Variants in GRM8 observed in about 807,000 individuals in gnomAD.
GRM8 encodes the protein glutamate metabotropic receptor 8.
GRM8 carries 47 observed loss-of-function variants against 87.2 expected under a neutral mutation model. That is an observed-to-expected ratio of 0.54 (90% CI 0.43 to 0.69). GRM8 has a LOEUF of 0.69. Ranked by LOEUF, GRM8 falls within the 30% of genes least tolerant of loss-of-function variation. GRM8 has a pLI of 0.00. For missense variants in GRM8, 1,019 were observed against 1,139.2 expected, an observed-to-expected ratio of 0.89 and a Z score of 1.52; for synonymous variants, 396 against 404.5, an observed-to-expected ratio of 0.98 and a Z score of 0.25.
At chr7:126,852,063 G>C (rs905491465) in intron 6 of GRM8, among the ~76,000 whole-genome samples, 9 of 152,094 alleles carry the variant, frequency 5.9e-5, no homozygotes, top group Non-Finnish European at 8.8e-5. Flanking sequence ...TGGCTGGAGG[G>C]GTTGGTGTTA....
chr7:127,241,635 C>A (rs1290475513), intron 2 of GRM8, among the ~76,000 whole-genome samples: 1 of 152,024 alleles, frequency 6.6e-6, no homozygotes, highest in Non-Finnish European at 1.5e-5. Context: ...CGGGGTTTCA[C>A]CGTGTTAGCC....
At chr7:126,955,015 C>G (rs1230361978) in intron 3 of GRM8, among the ~76,000 whole-genome samples, 1 of 152,090 alleles carries the variant, frequency 6.6e-6, no homozygotes, top group Non-Finnish European at 1.5e-5. Flanking sequence ...ATGAGGAGAG[C>G]TTGCAGAATT....
At position 126,438,765 on chromosome 7, in the gene GRM8, A is replaced by T. The variant is rs753712769; in HGVS notation, c.*354T>A. ...ACAAGTTAAACAATGTGGGACAGGA[A>T]CGGGAGTTCTCACAATCACAGAAAA... On this transcript the variant is annotated 3_prime_UTR_variant, in exon 11 of 11. Coordinates refer to ENST00000339582, the MANE Select transcript of GRM8 (RefSeq NM_000845.3). 1.8e-5 allele frequency: 4 copies of T among 219,874 alleles called. No homozygotes were observed. Among genetic ancestry groups the T allele is most frequent in the Admixed American group, 1.6e-4 (3 of 18,416 alleles). 13.6% of individuals were successfully genotyped at this position (219,874 alleles called of 1,614,324 possible). A position where few individuals can be genotyped will look rare whatever the true frequency, so the allele number is the denominator to read the frequency against.
rs143624465 is a variant in GRM8 at position 127,172,855 on chromosome 7, G to A, written c.511-66143C>T. 4.3e-3 allele frequency among the ~76,000 whole-genome samples: 650 copies of A among 152,266 alleles called. 11 individuals carry two copies. The highest frequency in any genetic ancestry group is 0.015 in the African/African-American group (619 of 41,562). ...CGTTATGTGCTCTGAGTGCAAACAT[G>A]CTTTGTACCAACATGCTTTCTGGAG... On this transcript the variant is annotated intron_variant, in intron 2 of 10. Coordinates refer to ENST00000339582, the MANE Select transcript of GRM8 (RefSeq NM_000845.3).
intron 7 of GRM8, among the ~76,000 whole-genome samples, chr7:126,740,464 A>G (rs921713841): frequency 1.3e-5 from 2 of 152,134 alleles, no homozygotes; most frequent in Non-Finnish European, 2.9e-5. Context: ...AGTCTTGACT[A>G]AAATGGTACT....
chr7:126,648,182 G>A (rs1377358891), intron 7 of GRM8, among the ~76,000 whole-genome samples: 4 of 152,038 alleles, frequency 2.6e-5, no homozygotes, highest in African/African-American at 9.7e-5. Flanking sequence ...ACTTCAGAGA[G>A]ACCTTTTTAT....
At chr7:127,031,738 A>G (rs1450187479) in intron 3 of GRM8, among the ~76,000 whole-genome samples, 1 of 152,158 alleles carries the variant, frequency 6.6e-6, no homozygotes, top group Non-Finnish European at 1.5e-5. Flanking sequence ...CTATCCTAAC[A>G]TCAATACTGT....
intron 1 of GRM8, among the ~76,000 whole-genome samples, chr7:127,246,820 C>G (rs953842234): frequency 6.6e-6 from 1 of 152,212 alleles, no homozygotes; most frequent in Non-Finnish European, 1.5e-5. Context: ...GTATCTAACA[C>G]AGTATCTCCA....
chr7:126,473,112 G>A (rs1805489045), intron 9 of GRM8, among the ~76,000 whole-genome samples: 1 of 152,168 alleles, frequency 6.6e-6, no homozygotes, highest in East Asian at 1.9e-4. Flanking sequence ...GTCCCCACTG[G>A]GGCACTGCCT....
chr7:126,902,487 A>G, intron 6 of GRM8, 55 bp downstream of exon 6: 1 of 1,391,078 alleles, frequency 7.2e-7, no homozygotes, highest in Non-Finnish European at 9.7e-7. Flanking sequence ...TTATCAAGTA[A>G]TGAAAACAAA....
intron 3 of GRM8, among the ~76,000 whole-genome samples, chr7:127,005,660 T>A (rs1427580190): frequency 6.6e-6 from 1 of 151,808 alleles, no homozygotes; most frequent in Non-Finnish European, 1.5e-5. Flanking sequence ...TAGTTCACTG[T>A]ATACCTCTCC....
chr7:126,726,713 T>C (rs1813023293), intron 7 of GRM8, among the ~76,000 whole-genome samples: 2 of 152,146 alleles, frequency 1.3e-5, no homozygotes, highest in Non-Finnish European at 2.9e-5. Context: ...CAGAAAAATC[T>C]TCAGATTTTT....
intron 6 of GRM8, among the ~76,000 whole-genome samples, chr7:126,874,148 T>G (rs976984926): frequency 6.6e-6 from 1 of 152,086 alleles, no homozygotes; most frequent in Non-Finnish European, 1.5e-5. Context: ...CCTGATGGAA[T>G]TCTTCACCTG....
intron 9 of GRM8, among the ~76,000 whole-genome samples, chr7:126,462,693 C>T (rs1804019679): frequency 6.6e-6 from 1 of 151,618 alleles, no homozygotes; most frequent in Non-Finnish European, 1.5e-5. Flanking sequence ...CAAATATGTA[C>T]AAACTACTGA....
rs200014366 is a variant in GRM8 at position 126,446,104 on chromosome 7, G to A, written c.2677+22C>T. Reference sequence around the variant, plus strand: ...GGAAGTGCTCCCGCTCTTGACCATCGGAAACTCTACAGATGACTTACTGTT... The same window carrying A: ...GGAAGTGCTCCCGCTCTTGACCATCAGAAACTCTACAGATGACTTACTGTT... On this transcript the variant is annotated intron_variant, in intron 10 of 10. Transcript: ENST00000339582. 1.1e-4 allele frequency: 184 copies of A among 1,612,156 alleles called. 1 individual carries two copies. In the East Asian group the frequency reaches 1.4e-3, roughly 13 times the overall value.
chr7:127,000,207 T>C (rs1012636126), intron 3 of GRM8, among the ~76,000 whole-genome samples: 3 of 151,524 alleles, frequency 2.0e-5, no homozygotes, highest in Non-Finnish European at 4.4e-5. Context: ...ATTGAACTCA[T>C]GGAGAGAGCA....
rs549729638 is a variant in GRM8, at chr7:127,007,702, G to A, written c.727+98794C>T. 4.7e-4 allele frequency among the ~76,000 whole-genome samples: 71 copies of A among 152,174 alleles called. 1 individual carries two copies. The South Asian group carries it at 0.011, about 24-fold the overall frequency. ...CACCTGGCTTTTATAAAGATGCCAA[G>A]TGAAACTCTATATTAAAATATGTTA... On this transcript the variant is annotated intron_variant, in intron 3 of 10. Coordinates refer to ENST00000339582, the MANE Select transcript of GRM8 (RefSeq NM_000845.3).
At chr7:126,814,863 T>A (rs1055685682) in intron 6 of GRM8, among the ~76,000 whole-genome samples, 1 of 151,980 alleles carries the variant, frequency 6.6e-6, no homozygotes, top group African/African-American at 2.4e-5. Flanking sequence ...GCAATCCTAG[T>A]CTCATCAAAT....
intron 1 of GRM8, chr7:127,251,275 T>C (rs937312251): frequency 6.6e-6 from 1 of 152,184 alleles, no homozygotes; most frequent in African/African-American, 2.4e-5. Context: ...CGCAACTGGG[T>C]GACTCGCGTG....
Sources: allele counts gnomAD v4.1 joint callset (sites outside exome capture counted in the v4.1 genomes callset), GRCh38; gene constraint gnomAD v4.1.1; transcripts MANE v1.5; gene names NCBI Gene and HGNC (gene_info 2026-07-23, HGNC 2026-07-21).